The following L3MBTL4 variants were observed in gnomAD, a reference collection of about 807,000 sequenced individuals.
The protein encoded by L3MBTL4 is L3MBTL histone methyl-lysine binding protein 4, also known as lethal(3)malignant brain tumor-like protein 4.
L3MBTL4 carries 70 observed loss-of-function variants against 84.5 expected under a neutral mutation model. That is an observed-to-expected ratio of 0.83 (90% CI 0.68 to 1.01). The LOEUF (loss-of-function observed/expected upper bound fraction) is 1.01. L3MBTL4 is among the 50% of genes least tolerant of loss of function. The pLI is 0.00. For synonymous variants in L3MBTL4, 274 were observed against 259.8 expected, an observed-to-expected ratio of 1.05 and a Z score of -0.52; for missense variants, 715 against 754.8, an observed-to-expected ratio of 0.95 and a Z score of 0.62.
At chr18:6,232,113 C>T (rs181052375) in intron 10 of L3MBTL4, among the ~76,000 whole-genome samples, 12 of 152,172 alleles carry the variant, frequency 7.9e-5, no homozygotes, top group African/African-American at 2.4e-4. Context: ...TGAATCTTGT[C>T]AAATGCTTTT....
intron 1 of L3MBTL4, among the ~76,000 whole-genome samples, chr18:6,383,783 A>G (rs2054699950): frequency 6.6e-6 from 1 of 152,104 alleles, no homozygotes; most frequent in Non-Finnish European, 1.5e-5. Context: ...TCCCTATTAA[A>G]TCGTGTTTCC....
chr18:6,148,578 A>G (rs889445433), intron 13 of L3MBTL4, among the ~76,000 whole-genome samples: 1 of 152,118 alleles, frequency 6.6e-6, no homozygotes, highest in African/African-American at 2.4e-5. Flanking sequence ...GTTGCACACC[A>G]CCATGCCCAG....
chr18:5,977,615 T>C (rs911224251), intron 16 of L3MBTL4, among the ~76,000 whole-genome samples: 3 of 152,340 alleles, frequency 2.0e-5, no homozygotes, highest in East Asian at 1.9e-4. Flanking sequence ...GTCACGACTC[T>C]AGGAAGGAGC....
rs548544316 is a variant in L3MBTL4 at position 6,032,053 on chromosome 18, G to C, written c.1444+48828C>G. On this transcript the variant is annotated intron_variant, in intron 16 of 18. Transcript: ENST00000317931. ...AGTGCAGTGGTGCAATCTCAGGTCA[G>C]TGTAATCTCTGCCTCCCAGGTTCAA... 463 of 205,088 alleles carry C rather than the reference G, an allele frequency of 2.3e-3. 6 individuals carry two copies. The highest frequency in any genetic ancestry group is 0.011 in the African/African-American group (448 of 41,958). The allele number at this position is 205,088 out of a possible 1,614,324, so 12.7% of individuals were successfully genotyped here.
chr18:6,231,731 T>C (rs1165668259), intron 10 of L3MBTL4, among the ~76,000 whole-genome samples: 1 of 152,192 alleles, frequency 6.6e-6, no homozygotes. Context: ...GAAATGCAAC[T>C]GATTTTTGTG....
At chr18:6,031,397 C>A in intron 16 of L3MBTL4, 2 of 985,446 alleles carry the variant, frequency 2.0e-6, no homozygotes, top group Non-Finnish European at 2.4e-6. Flanking sequence ...GGTGCTACTT[C>A]TTTGTGGCCG....
chr18:6,337,312 T>C (rs1346954363), intron 1 of L3MBTL4, among the ~76,000 whole-genome samples: 1 of 151,982 alleles, frequency 6.6e-6, no homozygotes, highest in East Asian at 1.9e-4. Context: ...TGCATACAAA[T>C]ATCAAACAAA....
intron 16 of L3MBTL4, among the ~76,000 whole-genome samples, chr18:5,973,982 A>T (rs902432490): frequency 6.6e-6 from 1 of 152,234 alleles, no homozygotes; most frequent in African/African-American, 2.4e-5. Flanking sequence ...AGAAAATGAA[A>T]TGTATATGTA....
intron 15 of L3MBTL4, among the ~76,000 whole-genome samples, chr18:6,083,015 C>T (rs1254092927): frequency 6.6e-6 from 1 of 152,152 alleles, no homozygotes; most frequent in Non-Finnish European, 1.5e-5. Flanking sequence ...AGACTGGGCT[C>T]AGAGACATTC....
chr18:6,151,943 T>C (rs1598920768), intron 13 of L3MBTL4, among the ~76,000 whole-genome samples: 1 of 152,190 alleles, frequency 6.6e-6, no homozygotes, highest in East Asian at 1.9e-4. Flanking sequence ...TTCTATTAGT[T>C]AGACTTTTTT....
At chr18:6,055,555 G>GT (rs1435755927) in intron 16 of L3MBTL4, among the ~76,000 whole-genome samples, 1 of 152,134 alleles carries the variant, frequency 6.6e-6, no homozygotes, top group East Asian at 1.9e-4. Context: ...GTCAGCAAAG[G>GT]TTTTTTATAT....
At chr18:6,141,466 G>A (rs2060191280) in intron 13 of L3MBTL4, among the ~76,000 whole-genome samples, 1 of 152,072 alleles carries the variant, frequency 6.6e-6, no homozygotes, top group African/African-American at 2.4e-5. Context: ...ATTTCTTAAA[G>A]TCATTTCAAA....
At chr18:6,002,949 T>G (rs990041772) in intron 16 of L3MBTL4, among the ~76,000 whole-genome samples, 1 of 151,312 alleles carries the variant, frequency 6.6e-6, no homozygotes, top group Non-Finnish European at 1.5e-5. Flanking sequence ...TATAAGATAC[T>G]CATACTCATC....
intron 16 of L3MBTL4, among the ~76,000 whole-genome samples, chr18:6,044,193 T>C (rs2056520377): frequency 6.6e-6 from 1 of 152,230 alleles, no homozygotes; most frequent in African/African-American, 2.4e-5. Context: ...GAATTGTGTT[T>C]GGAATATAAG....
At chr18:6,308,092 C>A (rs2050672568) in intron 3 of L3MBTL4, among the ~76,000 whole-genome samples, 1 of 152,132 alleles carries the variant, frequency 6.6e-6, no homozygotes. Context: ...AGTTCTAAAG[C>A]AAGCTGGTGA....
chr18:6,310,212 T>C (rs1365464606), intron 3 of L3MBTL4, among the ~76,000 whole-genome samples: 2 of 152,136 alleles, frequency 1.3e-5, no homozygotes, highest in Admixed American at 1.3e-4. Flanking sequence ...AAGAATGACA[T>C]CTTCACCTAA....
At chr18:6,387,863 C>G (rs1012912352) in intron 1 of L3MBTL4, among the ~76,000 whole-genome samples, 1 of 152,046 alleles carries the variant, frequency 6.6e-6, no homozygotes, top group Admixed American at 6.6e-5. Flanking sequence ...AAGAGAGGAG[C>G]AGAAGTAGTA....
At chr18:6,269,293 T>C (rs1426325393) in intron 4 of L3MBTL4, among the ~76,000 whole-genome samples, 1 of 151,824 alleles carries the variant, frequency 6.6e-6, no homozygotes, top group Non-Finnish European at 1.5e-5. Flanking sequence ...CCATCTCTAC[T>C]AAAAATACAA....
intron 16 of L3MBTL4, among the ~76,000 whole-genome samples, chr18:6,066,909 C>T (rs1344039753): frequency 2.0e-5 from 3 of 148,024 alleles, no homozygotes; most frequent in African/African-American, 7.6e-5. Context: ...TAGATGTTGC[C>T]TAGATACTTT....
Sources: allele counts gnomAD v4.1 joint callset (sites outside exome capture counted in the v4.1 genomes callset), GRCh38; gene constraint gnomAD v4.1.1; transcripts MANE v1.5; gene names NCBI Gene and HGNC (gene_info 2026-07-23, HGNC 2026-07-21).